PCNX1: variants seen among roughly 807,000 people sequenced by gnomAD.
PCNX1 encodes pecanex-like protein 1.
A neutral mutation model predicts 242.2 loss-of-function variants in PCNX1; 78 were observed. That is an observed-to-expected ratio of 0.32 (90% CI 0.27 to 0.39). The LOEUF is 0.39. PCNX1 is among the 10% of genes least tolerant of loss of function. PCNX1 has a pLI of 1.00. For synonymous variants in PCNX1, 1,024 were observed against 1,032.9 expected (o/e 0.99, Z 0.17); for missense variants, 2,581 against 2,856.5 (o/e 0.90, Z 2.20).
At chr14:70,986,519 C>T (rs1462190040) in intron 6 of PCNX1, among the ~76,000 whole-genome samples, 4 of 152,066 alleles carry the variant, frequency 2.6e-5, no homozygotes, top group Admixed American at 2.0e-4. Context: ...GTCTTTTCAC[C>T]CCAGTACTAT....
At chr14:70,994,427 A>ATATATATATATATGTATG (rs930212552) in intron 7 of PCNX1, among the ~76,000 whole-genome samples, 4 of 88,712 alleles carry the variant, frequency 4.5e-5, no homozygotes, top group African/African-American at 1.2e-4. Flanking sequence ...ATATATATAT[A>ATATATATATATATGTATG]TATGTATGTA....
chr14:70,930,718 C>G (rs2056764130), intron 1 of PCNX1, among the ~76,000 whole-genome samples: 2 of 152,068 alleles, frequency 1.3e-5, no homozygotes, highest in Admixed American at 1.3e-4. Flanking sequence ...TACACAGGTT[C>G]CCAGCTGGCC....
intron 26 of PCNX1, among the ~76,000 whole-genome samples, chr14:71,066,665 G>A (rs953625685): frequency 3.9e-5 from 6 of 152,310 alleles, no homozygotes; most frequent in African/African-American, 4.8e-5. Flanking sequence ...AGTGGTGAGA[G>A]AGGGCATCCT....
At chr14:71,039,748 C>T (rs2141023835) in intron 19 of PCNX1, among the ~76,000 whole-genome samples, 1 of 152,246 alleles carries the variant, frequency 6.6e-6, no homozygotes, top group South Asian at 2.1e-4. Flanking sequence ...CTCCTAAAAC[C>T]CCGAAAAGTC....
intron 3 of PCNX1, among the ~76,000 whole-genome samples, chr14:70,964,481 GA>G (rs2058318656): frequency 1.3e-5 from 2 of 152,234 alleles, no homozygotes; most frequent in South Asian, 4.1e-4. Flanking sequence ...TTTATAGAAT[GA>G]AATAACTCAA....
At chr14:71,038,722 G>A (rs1015362901) in intron 19 of PCNX1, among the ~76,000 whole-genome samples, 2 of 151,966 alleles carry the variant, frequency 1.3e-5, no homozygotes, top group African/African-American at 4.8e-5. Context: ...CCATTACTGG[G>A]TATATACCCA....
At position 70,931,614 on chromosome 14, in the gene PCNX1, G is replaced by A. The variant is rs920533145; in HGVS notation, c.154-15301G>A. 2.0e-5 allele frequency among the ~76,000 whole-genome samples: 3 copies of A among 152,310 alleles called. No homozygotes were observed. The East Asian group carries it at 5.8e-4, about 29-fold the overall frequency. On this transcript the variant is annotated intron_variant, in intron 1 of 35. Transcript: ENST00000304743. Reference sequence around the variant, plus strand: ...TGCTAATTTTTGTTTTCATCTGCCAGATTTTTTTGGTATTATTTAATTTTT... The same window carrying A: ...TGCTAATTTTTGTTTTCATCTGCCAAATTTTTTTGGTATTATTTAATTTTT...
chr14:70,916,483 C>T (rs1357106281), intron 1 of PCNX1, among the ~76,000 whole-genome samples: 2 of 152,154 alleles, frequency 1.3e-5, no homozygotes, highest in East Asian at 3.9e-4. Context: ...CAGATCACTG[C>T]GATAAAGCGA....
chr14:71,034,051 T>C lies in PCNX1; in HGVS notation c.3774+15T>C. The C allele has an allele frequency of 1.5e-6, 2 of 1,376,404 alleles. No individual in the cohort carries two copies. Among genetic ancestry groups the C allele is most frequent in the Non-Finnish European group, 2.1e-6 (2 of 969,596 alleles). The allele number at this position is 1,376,404 out of a possible 1,614,324, so 85.3% of individuals were successfully genotyped here. On this transcript the variant is annotated intron_variant, in intron 18 of 35. Transcript: ENST00000304743. ...GAAATTCTGTTGTAAGTTTTAACATTTAGAATCACCTAAAAGACTTAAATC... is the reference window on the plus strand; with the variant it reads ...GAAATTCTGTTGTAAGTTTTAACATCTAGAATCACCTAAAAGACTTAAATC...
intron 18 of PCNX1, among the ~76,000 whole-genome samples, chr14:71,035,324 G>C (rs1291014973): frequency 2.6e-5 from 4 of 152,148 alleles, no homozygotes; most frequent in Non-Finnish European, 5.9e-5. Context: ...CATTCTAAAA[G>C]ACTTTATTGC....
At chr14:71,050,613 T>C in intron 22 of PCNX1, 39 bp from the exon 23 acceptor site, 1 of 1,521,162 alleles carries the variant, frequency 6.6e-7, no homozygotes, top group Non-Finnish European at 8.8e-7. Flanking sequence ...CTGATAAGTT[T>C]TTTTTTTTTT....
chr14:70,976,801 CAGAA>C (rs1275182247), intron 5 of PCNX1, 137 bp from the exon 6 acceptor site: 1 of 704,958 alleles, frequency 1.4e-6, no homozygotes, highest in Non-Finnish European at 2.3e-6. Context: ...AGCTGTGAAA[CAGAA>C]AGCAGCTCTT....
intron 7 of PCNX1, among the ~76,000 whole-genome samples, chr14:70,991,364 C>G (rs2059161424): frequency 6.6e-6 from 1 of 152,040 alleles, no homozygotes; most frequent in South Asian, 2.1e-4. Flanking sequence ...GCCACCATGC[C>G]CAGCTAATTT....
intron 26 of PCNX1, among the ~76,000 whole-genome samples, chr14:71,068,462 A>G (rs990748481): frequency 6.7e-6 from 1 of 149,242 alleles, no homozygotes; most frequent in East Asian, 1.9e-4. Context: ...ATGTGTATAT[A>G]CATATATATG....
chr14:71,085,451 T>C (rs2061962452), intron 28 of PCNX1: 1 of 152,190 alleles, frequency 6.6e-6, no homozygotes, highest in Admixed American at 6.5e-5. Context: ...GACTAAGAAA[T>C]ATAAATATCT....
intron 1 of PCNX1, among the ~76,000 whole-genome samples, chr14:70,918,551 GAC>G (rs926296733): frequency 1.3e-5 from 2 of 152,186 alleles, no homozygotes; most frequent in African/African-American, 2.4e-5. Flanking sequence ...ACCAAAATGT[GAC>G]ACACAGACAA....
At chr14:71,083,853 A>G (rs762939386) in intron 28 of PCNX1, among the ~76,000 whole-genome samples, 10 of 151,978 alleles carry the variant, frequency 6.6e-5, no homozygotes, top group African/African-American at 1.2e-4. Flanking sequence ...ACTTCTGTCA[A>G]TTTGTCAAAC....
At chr14:70,980,504 T>A (rs2058807712) in intron 6 of PCNX1, among the ~76,000 whole-genome samples, 1 of 152,154 alleles carries the variant, frequency 6.6e-6, no homozygotes, top group South Asian at 2.1e-4. Flanking sequence ...TGCACAGGCT[T>A]TTTTAATTTG....
Position 71,033,413 on chromosome 14 carries a change from A to G in PCNX1, c.3559-16A>G, listed in dbSNP as rs1461481121. ...AATTAGAAGCATATTATTCTGTTAA[A>G]TTCATTTTTCCGCAGGATTCTTGGG... On this transcript the variant is annotated splice_polypyrimidine_tract_variant and intron_variant, in intron 16 of 35. Coordinates refer to ENST00000304743, the MANE Select transcript of PCNX1 (RefSeq NM_014982.3). 1 of 1,331,656 alleles carries G rather than the reference A, an allele frequency of 7.5e-7. No homozygotes were observed. The highest frequency in any genetic ancestry group is 2.3e-5 in the East Asian group (1 of 43,432). The allele number at this position is 1,331,656 out of a possible 1,614,324, so 82.5% of individuals were successfully genotyped here.
Sources: gnomAD v4.1 joint callset for allele counts (sites outside exome capture counted in the v4.1 genomes callset) on GRCh38, gnomAD v4.1.1 for gene constraint, MANE v1.5 for transcripts, NCBI Gene and HGNC (gene_info 2026-07-23, HGNC 2026-07-21) for gene names.